FRAS1: variants seen among roughly 807,000 people sequenced by gnomAD.
The protein encoded by FRAS1 is extracellular matrix organizing protein FRAS1.
A neutral mutation model predicts 435.2 loss-of-function variants in FRAS1; 290 were observed. That is an observed-to-expected ratio of 0.67 (90% CI 0.61 to 0.73). The LOEUF (loss-of-function observed/expected upper bound fraction) is 0.73, where lower values mean the gene tolerates loss of function less well. FRAS1 is among the 30% of genes least tolerant of loss of function. The pLI is 0.00. For synonymous variants in FRAS1, 1,800 were observed against 1,851.0 expected (o/e 0.97, Z 0.71); for missense variants, 4,860 against 5,001.5 (o/e 0.97, Z 0.85).
At chr4:78,322,084 GTTAA>G (rs1729534106) in intron 18 of FRAS1, among the ~76,000 whole-genome samples, 1 of 152,194 alleles carries the variant, frequency 6.6e-6, no homozygotes, top group Admixed American at 6.5e-5. Context: ...GCAGAAAGAG[GTTAA>G]TTGAGTTGCC....
rs201596063 is a variant in FRAS1, at chr4:78,364,551, A to T, written c.2722+497A>T. On this transcript the variant is annotated intron_variant, in intron 22 of 73. Coordinates refer to ENST00000512123, the MANE Select transcript of FRAS1 (RefSeq NM_025074.7). ...AATATTCCATTTCTGCCCAAACAGT[A>T]GTTATTTGGACTTGTATGGGAGTTA... Among the ~76,000 whole-genome samples the T allele has an allele frequency of 2.0e-5, 3 of 152,160 alleles. No homozygotes were observed. The East Asian group carries it at 5.8e-4, about 29-fold the overall frequency.
chr4:78,216,240 T>G (rs1207255974), intron 2 of FRAS1, among the ~76,000 whole-genome samples: 2 of 152,242 alleles, frequency 1.3e-5, no homozygotes, highest in Non-Finnish European at 2.9e-5. Context: ...CTTGTCTAGA[T>G]TTGCCCTAGA....
intron 4 of FRAS1, among the ~76,000 whole-genome samples, chr4:78,251,510 C>T (rs927109927): frequency 9.2e-5 from 14 of 152,278 alleles, no homozygotes; most frequent in Admixed American, 6.5e-4. Context: ...CCATGCTGTA[C>T]CTTAGATCCT....
chr4:78,405,555 T>A (rs998175563), intron 30 of FRAS1, among the ~76,000 whole-genome samples: 1 of 152,258 alleles, frequency 6.6e-6, no homozygotes, highest in Non-Finnish European at 1.5e-5. Flanking sequence ...ATACTTGTTC[T>A]ATACTTGAAT....
intron 2 of FRAS1, among the ~76,000 whole-genome samples, chr4:78,164,345 A>T (rs185955780): frequency 1.2e-4 from 18 of 151,998 alleles, no homozygotes; most frequent in Admixed American, 7.2e-4. Context: ...TTGGAGTAAT[A>T]AAAAAATGGA....
chr4:78,090,092 A>G (rs1026906273), intron 2 of FRAS1, among the ~76,000 whole-genome samples: 8 of 152,146 alleles, frequency 5.3e-5, no homozygotes, highest in African/African-American at 1.9e-4. Flanking sequence ...TGTGACTGAG[A>G]ATCAAGGGAC....
At chr4:78,449,146 C>A (rs116023905) in intron 44 of FRAS1, among the ~76,000 whole-genome samples, 1 of 152,132 alleles carries the variant, frequency 6.6e-6, no homozygotes, top group Non-Finnish European at 1.5e-5. Context: ...ATCAGAAATA[C>A]GGCACTCTTG....
intron 29 of FRAS1, among the ~76,000 whole-genome samples, chr4:78,390,586 G>A (rs1732406916): frequency 6.6e-6 from 1 of 152,116 alleles, no homozygotes; most frequent in Non-Finnish European, 1.5e-5. Flanking sequence ...TTTTCTCAAT[G>A]TTCTATCCAA....
intron 72 of FRAS1, 47 bp from the exon 73 acceptor site, chr4:78,539,247 T>C (rs758993880): frequency 1.2e-5 from 19 of 1,590,686 alleles, no homozygotes; most frequent in Non-Finnish European, 1.6e-5. Context: ...ACCAATATAG[T>C]GGAACCATCT....
intron 20 of FRAS1, among the ~76,000 whole-genome samples, chr4:78,338,264 G>A (rs114737091): frequency 0.017 from 2,495 of 149,774 alleles, 62 homozygotes; most frequent in African/African-American, 0.059. Flanking sequence ...TGCCTTAGGA[G>A]ATGGGATTTT....
intron 2 of FRAS1, among the ~76,000 whole-genome samples, chr4:78,091,475 G>A (rs1741516709): frequency 6.6e-6 from 1 of 151,976 alleles, no homozygotes; most frequent in Non-Finnish European, 1.5e-5. Flanking sequence ...TGCTGTAAAA[G>A]GCCCTCATTG....
At chr4:78,265,824 G>T (rs1405831197) in intron 7 of FRAS1, among the ~76,000 whole-genome samples, 3 of 152,232 alleles carry the variant, frequency 2.0e-5, no homozygotes, top group East Asian at 3.9e-4. Context: ...TAGAAATTGG[G>T]GTCATGACTC....
intron 20 of FRAS1, among the ~76,000 whole-genome samples, chr4:78,340,709 C>T (rs1277608687): frequency 6.6e-6 from 1 of 152,186 alleles, no homozygotes; most frequent in Admixed American, 6.5e-5. Context: ...GTTTTGGAGG[C>T]TGGAAGTCCA....
At chr4:78,371,083 G>GTTTTTT (rs1242709942) in intron 23 of FRAS1, among the ~76,000 whole-genome samples, 1 of 127,402 alleles carries the variant, frequency 7.8e-6, no homozygotes, top group African/African-American at 3.2e-5. Context: ...TTTTTTTTCT[G>GTTTTTT]TTTTTTTGTT....
intron 2 of FRAS1, among the ~76,000 whole-genome samples, chr4:78,208,794 G>A (rs997066762): frequency 6.6e-6 from 1 of 151,870 alleles, no homozygotes; most frequent in South Asian, 2.1e-4. Flanking sequence ...TCAAGATGAC[G>A]TTAAAACTTA....
At chr4:78,298,156 A>G (rs992831067) in intron 14 of FRAS1, among the ~76,000 whole-genome samples, 2 of 148,532 alleles carry the variant, frequency 1.3e-5, no homozygotes, top group African/African-American at 4.9e-5. Context: ...AGGTGCATAT[A>G]TATATACCTT....
chr4:78,185,895 A>G (rs1722248537), intron 2 of FRAS1, among the ~76,000 whole-genome samples: 1 of 152,154 alleles, frequency 6.6e-6, no homozygotes, highest in South Asian at 2.1e-4. Context: ...TCTATTCAAA[A>G]TGCTTTTGTG....
intron 35 of FRAS1, among the ~76,000 whole-genome samples, chr4:78,427,894 T>C (rs1734055855): frequency 6.6e-6 from 1 of 152,258 alleles, no homozygotes; most frequent in African/African-American, 2.4e-5. Flanking sequence ...AGATTCTTGC[T>C]GGCTTGTTAG....
intron 2 of FRAS1, among the ~76,000 whole-genome samples, chr4:78,099,115 G>T (rs1741975825): frequency 6.6e-6 from 1 of 152,150 alleles, no homozygotes; most frequent in Non-Finnish European, 1.5e-5. Flanking sequence ...CCCTGGTATT[G>T]CAAAGCCTAG....
Sources: allele counts gnomAD v4.1 joint callset (sites outside exome capture counted in the v4.1 genomes callset), GRCh38; gene constraint gnomAD v4.1.1; transcripts MANE v1.5; gene names NCBI Gene and HGNC (gene_info 2026-07-23, HGNC 2026-07-21).